CNTN4: variants seen among roughly 807,000 people sequenced by gnomAD.
CNTN4 encodes the protein contactin-4.
CNTN4 carries 77 observed loss-of-function variants against 122.5 expected under a neutral mutation model. The observed-to-expected ratio is 0.63, with a 90% CI of 0.52 to 0.76. CNTN4 has a LOEUF of 0.76. CNTN4 is among the 30% of genes least tolerant of loss of function. The probability of loss-of-function intolerance (pLI) is 0.00; values close to 1 mark genes in which losing one functional copy is unlikely to be tolerated. For missense variants in CNTN4, 1,256 were observed against 1,259.1 expected (o/e 1.00, Z 0.04); for synonymous variants, 512 against 447.0 (o/e 1.15, Z -1.83).
intron 3 of CNTN4, among the ~76,000 whole-genome samples, chr3:2,539,156 C>T (rs1387339221): frequency 6.6e-6 from 1 of 151,926 alleles, no homozygotes. Context: ...TTTCCATAAG[C>T]AAGATGATAG....
chr3:2,343,742 T>G (rs1440514734), intron 3 of CNTN4, among the ~76,000 whole-genome samples: 1 of 152,220 alleles, frequency 6.6e-6, no homozygotes, highest in African/African-American at 2.4e-5. Flanking sequence ...GTCAAGACCC[T>G]CCACTGGCAA....
At chr3:2,250,704 T>C (rs1054003943) in intron 2 of CNTN4, among the ~76,000 whole-genome samples, 1 of 151,932 alleles carries the variant, frequency 6.6e-6, no homozygotes, top group Non-Finnish European at 1.5e-5. Context: ...TGCATGTTCA[T>C]TTGGTTTTGG....
At chr3:2,598,513 T>A (rs1262278808) in intron 4 of CNTN4, among the ~76,000 whole-genome samples, 1 of 152,198 alleles carries the variant, frequency 6.6e-6, no homozygotes, top group Non-Finnish European at 1.5e-5. Flanking sequence ...TTAGGGTGTA[T>A]GTGAGTGAGT....
chr3:2,376,106 GGTAACAATAGA>G (rs1468677701), intron 3 of CNTN4, among the ~76,000 whole-genome samples: 14 of 152,046 alleles, frequency 9.2e-5, no homozygotes, highest in Non-Finnish European at 2.9e-5. Context: ...TCTGTTACAA[GGTAACAATAGA>G]GTGCTAATTG....
At chr3:2,835,817 C>A (rs2093213174) in intron 7 of CNTN4, among the ~76,000 whole-genome samples, 1 of 151,964 alleles carries the variant, frequency 6.6e-6, no homozygotes, top group African/African-American at 2.4e-5. Flanking sequence ...TCCTGGAAAT[C>A]AAAATCAGTA....
At chr3:2,249,398 C>T (rs2040288568) in intron 2 of CNTN4, among the ~76,000 whole-genome samples, 1 of 151,936 alleles carries the variant, frequency 6.6e-6, no homozygotes, top group Non-Finnish European at 1.5e-5. Context: ...TAGGATAATA[C>T]ACCAATTATA....
rs1271755045 is a variant in CNTN4, at chr3:2,371,938, A to T, written c.-89+32705A>T. 2.6e-5 allele frequency among the ~76,000 whole-genome samples: 4 copies of T among 152,234 alleles called. No homozygotes were observed. In the South Asian group the frequency reaches 6.2e-4, roughly 24 times the overall value. On this transcript the variant is annotated intron_variant, in intron 3 of 24. Transcript: ENST00000418658. The stretch of plus-strand genomic sequence containing the variant: ...CAGCAGTTGGCCAAGTTCTGTAAGT[A>T]TACAAATATATTTTCAGTAGATGAG...
intron 7 of CNTN4, among the ~76,000 whole-genome samples, chr3:2,836,349 T>C (rs1399164563): frequency 6.6e-6 from 1 of 152,170 alleles, no homozygotes; most frequent in Non-Finnish European, 1.5e-5. Flanking sequence ...GTTTATTTTA[T>C]GGAATGAGAA....
intron 3 of CNTN4, among the ~76,000 whole-genome samples, chr3:2,415,417 C>G (rs2047376576): frequency 6.6e-6 from 1 of 152,192 alleles, no homozygotes; most frequent in Non-Finnish European, 1.5e-5. Context: ...GTTTATGGAT[C>G]AGCTTTGTAA....
intron 4 of CNTN4, among the ~76,000 whole-genome samples, chr3:2,715,892 A>T (rs946366703): frequency 6.6e-6 from 1 of 152,216 alleles, no homozygotes; most frequent in African/African-American, 2.4e-5. Context: ...GGATAGCAAC[A>T]TCTGAATTTT....
chr3:2,962,249 C>A (rs1290876810), intron 13 of CNTN4, among the ~76,000 whole-genome samples: 1 of 152,186 alleles, frequency 6.6e-6, no homozygotes, highest in South Asian at 2.1e-4. Context: ...ATGTTTATCC[C>A]TAGATAGAGC....
rs145830786 is a variant in CNTN4, at chr3:2,822,782, C to T, written c.454+3201C>T. ...CACAGAGAAATAGATTAAAAATTTCCATAGACATCTACTGAAATGCAGTTG... is the reference window on the plus strand; with the variant it reads ...CACAGAGAAATAGATTAAAAATTTCTATAGACATCTACTGAAATGCAGTTG... On this transcript the variant is annotated intron_variant, in intron 7 of 24. Transcript: ENST00000418658. Among the ~76,000 whole-genome samples, 866 of 152,240 alleles carry T rather than the reference C, an allele frequency of 5.7e-3. 12 individuals carry two copies. Among genetic ancestry groups the T allele is most frequent in the African/African-American group, 0.02 (845 of 41,542 alleles).
intron 7 of CNTN4, among the ~76,000 whole-genome samples, chr3:2,853,973 G>A (rs2093588971): frequency 6.6e-6 from 1 of 152,088 alleles, no homozygotes; most frequent in African/African-American, 2.4e-5. Context: ...TGCCTTTCTG[G>A]CAAACCTGGT....
At chr3:3,019,743 G>C (rs976745714) in intron 14 of CNTN4, among the ~76,000 whole-genome samples, 1 of 145,668 alleles carries the variant, frequency 6.9e-6, no homozygotes, top group African/African-American at 2.5e-5. Flanking sequence ...GTAGGGAGAA[G>C]GGGTGTGTGT....
chr3:2,920,010 T>C (rs921724308), intron 12 of CNTN4, among the ~76,000 whole-genome samples: 10 of 152,246 alleles, frequency 6.6e-5, no homozygotes, highest in African/African-American at 2.2e-4. Flanking sequence ...TACCTAATCC[T>C]ACTTGTTGGC....
At chr3:2,733,174 A>C (rs140035630) in intron 4 of CNTN4, among the ~76,000 whole-genome samples, 12 of 152,188 alleles carry the variant, frequency 7.9e-5, no homozygotes, top group African/African-American at 1.7e-4. Flanking sequence ...AATAGACTCT[A>C]TATTTCTGTA....
chr3:2,283,364 G>A (rs980732588), intron 2 of CNTN4, among the ~76,000 whole-genome samples: 1 of 152,078 alleles, frequency 6.6e-6, no homozygotes, highest in Non-Finnish European at 1.5e-5. Context: ...CCTTTATAAT[G>A]TTAACTTAGT....
intron 4 of CNTN4, among the ~76,000 whole-genome samples, chr3:2,579,948 G>A (rs555077766): frequency 7.4e-4 from 112 of 152,188 alleles, no homozygotes; most frequent in Non-Finnish European, 1.1e-3. Context: ...TTAGAACAGG[G>A]TTTACAGCAC....
intron 3 of CNTN4, among the ~76,000 whole-genome samples, chr3:2,360,962 C>T (rs759477717): frequency 1.1e-4 from 17 of 152,086 alleles, no homozygotes; most frequent in Admixed American, 2.6e-4. Flanking sequence ...TTTCCTCTAG[C>T]GTAATGAGTC....
Sources: allele counts gnomAD v4.1 joint callset (sites outside exome capture counted in the v4.1 genomes callset), GRCh38; gene constraint gnomAD v4.1.1; transcripts MANE v1.5; gene names NCBI Gene and HGNC (gene_info 2026-07-23, HGNC 2026-07-21).